Variants in CSMD1 observed in about 807,000 individuals in gnomAD.
CSMD1 encodes CUB and sushi domain-containing protein 1.
In CSMD1, 213 loss-of-function variants were observed where a neutral mutation model predicts 417.5. That is an observed-to-expected ratio of 0.51 (90% CI 0.46 to 0.57). The LOEUF (loss-of-function observed/expected upper bound fraction) is 0.57, where lower values mean the gene tolerates loss of function less well. Among genes scored for constraint, CSMD1 ranks in the 20% least tolerant of loss-of-function variants. The probability of loss-of-function intolerance (pLI) is 0.00; values close to 1 mark genes in which losing one functional copy is unlikely to be tolerated. For synonymous variants in CSMD1, 2,862 were observed against 1,736.8 expected (o/e 1.65, Z -16.11); for missense variants, 6,923 against 4,529.7 (o/e 1.53, Z -15.17).
intron 1 of CSMD1, among the ~76,000 whole-genome samples, chr8:4,665,664 G>C (rs1484989683): frequency 1.3e-5 from 2 of 152,120 alleles, no homozygotes; most frequent in Admixed American, 6.5e-5. Context: ...ACGCATTCAA[G>C]GTCCACCCAC....
At chr8:4,125,350 C>T (rs193254827) in intron 3 of CSMD1, among the ~76,000 whole-genome samples, 1 of 152,196 alleles carries the variant, frequency 6.6e-6, no homozygotes, top group East Asian at 1.9e-4. Flanking sequence ...CTGTTTGTCT[C>T]TCACCTACTT....
intron 49 of CSMD1, among the ~76,000 whole-genome samples, chr8:3,086,782 T>C (rs769295013): frequency 9.9e-5 from 15 of 152,204 alleles, no homozygotes; most frequent in Non-Finnish European, 1.9e-4. Flanking sequence ...TTTAAATTAA[T>C]ACAATGGTAA....
chr8:4,188,864 T>A (rs1445276532), intron 3 of CSMD1, among the ~76,000 whole-genome samples: 1 of 151,978 alleles, frequency 6.6e-6, no homozygotes, highest in Non-Finnish European at 1.5e-5. Flanking sequence ...TTTCTGCATT[T>A]GTTATTGGGT....
At chr8:3,135,867 G>C (rs1441659469) in intron 41 of CSMD1, among the ~76,000 whole-genome samples, 1 of 152,150 alleles carries the variant, frequency 6.6e-6, no homozygotes, top group Non-Finnish European at 1.5e-5. Context: ...TTGCTGAGCA[G>C]GGTATGGTTA....
At chr8:3,990,170 G>A (rs924642874) in intron 5 of CSMD1, among the ~76,000 whole-genome samples, 1 of 152,130 alleles carries the variant, frequency 6.6e-6, no homozygotes. Context: ...CCAGGATTAA[G>A]GGCCACATAC....
At chr8:4,129,337 T>A (rs972646255) in intron 3 of CSMD1, among the ~76,000 whole-genome samples, 9 of 152,136 alleles carry the variant, frequency 5.9e-5, no homozygotes, top group Non-Finnish European at 1.2e-4. Context: ...GGAATTCATT[T>A]TTTGAACCTT....
chr8:4,597,646 G>C (rs144996797), intron 2 of CSMD1, among the ~76,000 whole-genome samples: 18 of 152,214 alleles, frequency 1.2e-4, no homozygotes, highest in South Asian at 2.1e-4. Flanking sequence ...GACATCTGTA[G>C]CATACTATAA....
chr8:4,942,194 C>A (rs990849999), intron 1 of CSMD1, among the ~76,000 whole-genome samples: 35 of 152,194 alleles, frequency 2.3e-4, no homozygotes, highest in African/African-American at 7.2e-4. Flanking sequence ...TGCTTCCTTC[C>A]CCCCAACACA....
chr8:3,715,976 T>A (rs1229562274), intron 6 of CSMD1, among the ~76,000 whole-genome samples: 1 of 152,228 alleles, frequency 6.6e-6, no homozygotes, highest in African/African-American at 2.4e-5. Flanking sequence ...ACGGTTCTCT[T>A]TGCATCTCTT....
chr8:3,851,196 T>A (rs1803883017), intron 5 of CSMD1, among the ~76,000 whole-genome samples: 1 of 152,238 alleles, frequency 6.6e-6, no homozygotes, highest in African/African-American at 2.4e-5. Context: ...AGCATGAGCC[T>A]GCTCATTATG....
At chr8:4,567,909 A>C (rs561559505) in intron 2 of CSMD1, among the ~76,000 whole-genome samples, 1 of 152,334 alleles carries the variant, frequency 6.6e-6, no homozygotes, top group African/African-American at 2.4e-5. Context: ...GAGTTCACTT[A>C]ATCAATGACC....
At chr8:3,633,300 G>T (rs10089138) in intron 7 of CSMD1, among the ~76,000 whole-genome samples, 16 of 152,054 alleles carry the variant, frequency 1.1e-4, no homozygotes, top group African/African-American at 3.4e-4. Context: ...TGCATACTCA[G>T]AAGTGCATCG....
At chr8:4,434,739 G>C (rs1164057838) in intron 2 of CSMD1, among the ~76,000 whole-genome samples, 1 of 152,076 alleles carries the variant, frequency 6.6e-6, no homozygotes, top group Non-Finnish European at 1.5e-5. Flanking sequence ...CGGTGATTTT[G>C]GGACTTAGCT....
chr8:3,027,860 T>C (rs187363320), intron 51 of CSMD1, among the ~76,000 whole-genome samples: 56 of 152,340 alleles, frequency 3.7e-4, no homozygotes, highest in Admixed American at 1.3e-4. Context: ...TTTCCCAAGA[T>C]GAGGTCAACG....
intron 2 of CSMD1, among the ~76,000 whole-genome samples, chr8:4,462,018 G>C (rs1799866199): frequency 6.6e-6 from 1 of 151,982 alleles, no homozygotes; most frequent in Non-Finnish European, 1.5e-5. Context: ...TGGGATTACA[G>C]GCTGAGCCAC....
intron 3 of CSMD1, among the ~76,000 whole-genome samples, chr8:4,387,009 T>G (rs7009362): frequency 1.0e-3 from 155 of 152,094 alleles, no homozygotes; most frequent in African/African-American, 3.6e-3. Context: ...CGGCTTCATT[T>G]GAAAGGGACT....
At chr8:3,143,106 A>G (rs1229263856) in intron 40 of CSMD1, among the ~76,000 whole-genome samples, 1 of 152,098 alleles carries the variant, frequency 6.6e-6, no homozygotes, top group Non-Finnish European at 1.5e-5. Flanking sequence ...AAGGAAAAAC[A>G]ACAACAACAA....
intron 6 of CSMD1, among the ~76,000 whole-genome samples, chr8:3,748,894 G>C (rs188216632): frequency 6.6e-6 from 1 of 152,286 alleles, no homozygotes; most frequent in Non-Finnish European, 1.5e-5. Flanking sequence ...GGTTTCCCTT[G>C]ATTTATGAGA....
At chr8:3,280,933 G>T (rs1359728109) in intron 26 of CSMD1, among the ~76,000 whole-genome samples, 2 of 152,144 alleles carry the variant, frequency 1.3e-5, no homozygotes, top group African/African-American at 4.8e-5. Flanking sequence ...TGATGGCCAG[G>T]TTTCAACAGT....
Sources: allele counts gnomAD v4.1 joint callset (sites outside exome capture counted in the v4.1 genomes callset), GRCh38; gene constraint gnomAD v4.1.1; transcripts MANE v1.5; gene names NCBI Gene and HGNC (gene_info 2026-07-23, HGNC 2026-07-21).